MYH10: variants seen among roughly 807,000 people sequenced by gnomAD.
The protein encoded by MYH10 is myosin heavy chain 10.
Under a neutral mutation model 257.8 loss-of-function variants are expected in MYH10, and 55 were observed. The observed-to-expected ratio is 0.21, with a 90% confidence interval of 0.17 to 0.27. MYH10 has a LOEUF of 0.27. Ranked by LOEUF, MYH10 falls within the 10% of genes least tolerant of loss-of-function variation. The pLI is 1.00. For synonymous variants in MYH10, 854 were observed against 921.7 expected, an observed-to-expected ratio of 0.93 and a Z score of 1.33; for missense variants, 1,631 against 2,500.6, an observed-to-expected ratio of 0.65 and a Z score of 7.42.
chr17:8,568,033 G>C (rs1367682244), intron 7 of MYH10, among the ~76,000 whole-genome samples: 1 of 152,050 alleles, frequency 6.6e-6, no homozygotes, highest in Non-Finnish European at 1.5e-5. Flanking sequence ...CCTTCCCCCT[G>C]CCTTAACATA....
intron 41 of MYH10, among the ~76,000 whole-genome samples, chr17:8,478,101 G>T (rs924660862): frequency 6.6e-6 from 1 of 152,216 alleles, no homozygotes; most frequent in Non-Finnish European, 1.5e-5. Context: ...TCTAGTGGAG[G>T]AAGCAGGAGC....
rs1431889632 is a variant in MYH10, at chr17:8,553,977, G to A, written c.798C>T (p.Ile266=). The A allele has an allele frequency of 1.2e-6, 2 of 1,612,818 alleles. No homozygotes were observed. The highest frequency in any genetic ancestry group is 1.7e-6 in the Non-Finnish European group (2 of 1,179,320). The change falls in exon 8 of 43, where the codon ATC becomes ATT. Residue 266 remains isoleucine, a synonymous_variant. Transcript: ENST00000360416. ...TACATGTTTCAATGTTGGCCCCAAC[G>A]ATATAGCCAGTTACATCAAAGTTGA... ...IRINFDVTGY[I]VGANIETYLL...
chr17:8,493,940 T>C (rs1304305663), intron 31 of MYH10, 55 bp from the exon 32 acceptor site: 6 of 1,545,588 alleles, frequency 3.9e-6, no homozygotes, highest in Non-Finnish European at 5.2e-6. Flanking sequence ...CCAAAACAAA[T>C]ACACCTGTAT....
At position 8,496,311 on chromosome 17, in the gene MYH10, C is replaced by T. The variant is rs755887769; in HGVS notation, c.3952-1070G>A. Reference sequence around the variant, plus strand: ...AGCCACAGCAGAGCACATGCTGTAACGCTTCCATGGTCACTCTGTTTAGCA... The same window carrying T: ...AGCCACAGCAGAGCACATGCTGTAATGCTTCCATGGTCACTCTGTTTAGCA... On this transcript the variant is annotated intron_variant, in intron 30 of 42. Transcript: ENST00000360416. 1.8e-4 allele frequency among the ~76,000 whole-genome samples: 27 copies of T among 152,338 alleles called. 1 individual carries two copies. The highest frequency in any genetic ancestry group is 1.4e-3 in the Admixed American group (21 of 15,304).
At chr17:8,628,465 C>T (rs567432988) in intron 1 of MYH10, among the ~76,000 whole-genome samples, 4 of 152,282 alleles carry the variant, frequency 2.6e-5, no homozygotes, top group African/African-American at 7.2e-5. Flanking sequence ...ACGGCCTGCA[C>T]ATAGAAAGGC....
chr17:8,614,027 C>T (rs949261841), intron 2 of MYH10, among the ~76,000 whole-genome samples: 10 of 152,112 alleles, frequency 6.6e-5, no homozygotes, highest in African/African-American at 1.4e-4. Flanking sequence ...TCTGTATATA[C>T]GTGATAATAG....
intron 6 of MYH10, among the ~76,000 whole-genome samples, chr17:8,572,257 TGA>T (rs761733404): frequency 0.033 from 3,185 of 96,904 alleles, 100 homozygotes; most frequent in East Asian, 0.25. Context: ...TGTGTGTGTG[TGA>T]GTGAGAGAGA....
At chr17:8,515,736 G>T (rs2081448036) in intron 21 of MYH10, among the ~76,000 whole-genome samples, 1 of 151,504 alleles carries the variant, frequency 6.6e-6, no homozygotes, top group South Asian at 2.1e-4. Context: ...TAGAGACAGG[G>T]TTTCACCATG....
intron 25 of MYH10, among the ~76,000 whole-genome samples, 186 bp from the exon 26 acceptor site, chr17:8,508,863 G>A (rs1057081237): frequency 1.3e-5 from 2 of 152,176 alleles, no homozygotes; most frequent in Admixed American, 6.5e-5. Context: ...CCGGATACAC[G>A]ACAGTGGTCT....
At position 8,495,033 on chromosome 17, in the gene MYH10, T is replaced by C. The variant is rs7219045; in HGVS notation, c.4056+104A>G. On this transcript the variant is annotated intron_variant, in intron 31 of 42. Transcript: ENST00000360416. Reference sequence around the variant, plus strand: ...AAATAAAAGTATGACATAAAACTAGTAAGAGGTGACACAGAAGGCAATTCT... The same window carrying C: ...AAATAAAAGTATGACATAAAACTAGCAAGAGGTGACACAGAAGGCAATTCT... The C allele has an allele frequency of 5.9e-3, 4,207 of 711,468 alleles. 103 individuals are homozygous for C. The African/African-American group carries it at 0.059, about 10-fold the overall frequency. 44.1% of individuals were successfully genotyped at this position (711,468 alleles called of 1,614,324 possible).
chr17:8,541,901 A>G, intron 14 of MYH10: 2 of 477,744 alleles, frequency 4.2e-6, no homozygotes, highest in Admixed American at 3.7e-5. Flanking sequence ...TCAAGCTGCG[A>G]GGAGAGCTAA....
At chr17:8,588,150 G>A (rs1027390746) in intron 4 of MYH10, among the ~76,000 whole-genome samples, 15 of 152,150 alleles carry the variant, frequency 9.9e-5, no homozygotes, top group African/African-American at 3.4e-4. Flanking sequence ...CTTGAGTGTA[G>A]GCTTTCCTCA....
At chr17:8,565,149 TCATTTGGAATATGTTAAACTTC>T (rs969573779) in intron 7 of MYH10, among the ~76,000 whole-genome samples, 1 of 152,254 alleles carries the variant, frequency 6.6e-6, no homozygotes, top group Non-Finnish European at 1.5e-5. Context: ...GGAAAAACTT[TCATTTGGAATATGTTAAACTTC>T]AAGAATCTAT....
At chr17:8,502,844 G>A (rs1015396504) in intron 28 of MYH10, among the ~76,000 whole-genome samples, 4 of 152,180 alleles carry the variant, frequency 2.6e-5, no homozygotes, top group African/African-American at 9.7e-5. Flanking sequence ...AAAATGATCA[G>A]AACCTTATTT....
chr17:8,543,440 C>T (rs915367358), intron 13 of MYH10, among the ~76,000 whole-genome samples: 2 of 151,104 alleles, frequency 1.3e-5, no homozygotes, highest in Non-Finnish European at 2.9e-5. Context: ...AGGATGATGA[C>T]ATCCTATTGC....
chr17:8,615,222 G>C (rs2085211411), intron 2 of MYH10, among the ~76,000 whole-genome samples: 1 of 151,912 alleles, frequency 6.6e-6, no homozygotes, highest in South Asian at 2.1e-4. Context: ...AAGGCTGCAC[G>C]AGCTATGATT....
intron 40 of MYH10, 147 bp downstream of exon 40, chr17:8,479,963 C>CAGCTCA: frequency 1.4e-6 from 1 of 722,774 alleles, no homozygotes; most frequent in South Asian, 1.9e-5. Flanking sequence ...TCTTCTCTCA[C>CAGCTCA]AGCTCACACC....
chr17:8,602,268 G>A (rs779957419), intron 3 of MYH10, among the ~76,000 whole-genome samples: 7 of 152,184 alleles, frequency 4.6e-5, no homozygotes, highest in Non-Finnish European at 1.0e-4. Context: ...GTGAGCCACC[G>A]TGCCCGGCCA....
At chr17:8,608,574 G>T (rs138467651) in intron 2 of MYH10, among the ~76,000 whole-genome samples, 1 of 152,326 alleles carries the variant, frequency 6.6e-6, no homozygotes, top group East Asian at 1.9e-4. Flanking sequence ...TGGGCAGCTG[G>T]AAATATTGGA....
Sources: gnomAD v4.1 joint callset for allele counts (sites outside exome capture counted in the v4.1 genomes callset) on GRCh38, gnomAD v4.1.1 for gene constraint, MANE v1.5 for transcripts, NCBI Gene and HGNC (gene_info 2026-07-23, HGNC 2026-07-21) for gene names.